ARHGAP12: variants seen among roughly 807,000 people sequenced by gnomAD.
The protein encoded by ARHGAP12 is rho GTPase-activating protein 12.
In ARHGAP12, 64 loss-of-function variants were observed where a neutral mutation model predicts 108.6. That is an observed-to-expected ratio of 0.59 (90% confidence interval 0.48 to 0.73). The LOEUF (loss-of-function observed/expected upper bound fraction) is 0.73. Among genes scored for constraint, ARHGAP12 ranks in the 30% least tolerant of loss-of-function variants. The pLI, the probability that ARHGAP12 is intolerant of heterozygous loss-of-function variation, is 0.00. For synonymous variants in ARHGAP12, 312 were observed against 337.2 expected, an observed-to-expected ratio of 0.93 and a Z score of 0.82; for missense variants, 940 against 1,005.9, an observed-to-expected ratio of 0.93 and a Z score of 0.89.
rs1188770736 is a variant in ARHGAP12, at chr10:31,866,690, AC to A, written c.685-5033del. 5.3e-5 allele frequency among the ~76,000 whole-genome samples: 8 copies of A among 152,196 alleles called. No homozygotes were observed. The East Asian group carries it at 1.4e-3, about 26-fold the overall frequency. Reference sequence around the variant, plus strand: ...GAGTGTAATGGCACAATCTCGGATCACCACAACCTCTGCCTCCCTGTTTCAA... The same window carrying A: ...GAGTGTAATGGCACAATCTCGGATCACACAACCTCTGCCTCCCTGTTTCAA... On this transcript the variant is annotated intron_variant, in intron 3 of 19. Transcript: ENST00000344936.
intron 12 of ARHGAP12, 44 bp from the exon 13 acceptor site, chr10:31,817,930 G>T: frequency 7.0e-7 from 1 of 1,434,834 alleles, no homozygotes; most frequent in Non-Finnish European, 9.8e-7. Flanking sequence ...GTCAGTTTGT[G>T]CTTTCAGCAA....
intron 10 of ARHGAP12, among the ~76,000 whole-genome samples, chr10:31,831,365 A>C (rs1006185347): frequency 1.4e-4 from 21 of 152,206 alleles, no homozygotes; most frequent in African/African-American, 5.1e-4. Context: ...ACTAGAATTC[A>C]GGAGACTTAA....
At chr10:31,829,499 T>C (rs144990835) in intron 10 of ARHGAP12, among the ~76,000 whole-genome samples, 55 of 152,236 alleles carry the variant, frequency 3.6e-4, no homozygotes, top group African/African-American at 1.1e-3. Context: ...ATAAAAAAAA[T>C]TGAAGCTTTC....
intron 3 of ARHGAP12, among the ~76,000 whole-genome samples, chr10:31,877,234 C>A (rs1249385111): frequency 6.6e-6 from 1 of 152,188 alleles, no homozygotes; most frequent in African/African-American, 2.4e-5. Flanking sequence ...TTTAACAGAA[C>A]AAAGTGCTAC....
intron 1 of ARHGAP12, among the ~76,000 whole-genome samples, chr10:31,920,332 C>T (rs1038941935): frequency 9.3e-5 from 14 of 150,550 alleles, no homozygotes; most frequent in African/African-American, 3.4e-4. Flanking sequence ...TGCCTGTAAT[C>T]CCAGCTACTA....
At chr10:31,831,419 T>C (rs1464355861) in intron 10 of ARHGAP12, among the ~76,000 whole-genome samples, 2 of 152,108 alleles carry the variant, frequency 1.3e-5, no homozygotes, top group Non-Finnish European at 2.9e-5. Flanking sequence ...GGCTGGGGGA[T>C]TGACTTTTCA....
intron 3 of ARHGAP12, among the ~76,000 whole-genome samples, chr10:31,880,125 A>G (rs1405649353): frequency 6.6e-6 from 1 of 152,224 alleles, no homozygotes; most frequent in Non-Finnish European, 1.5e-5. Context: ...TAAATATTAA[A>G]TGAGTACATG....
chr10:31,816,665 A>T (rs2132156954), intron 13 of ARHGAP12, among the ~76,000 whole-genome samples: 1 of 152,346 alleles, frequency 6.6e-6, no homozygotes, highest in East Asian at 1.9e-4. Context: ...AATCACAGCA[A>T]GTTTCTGAGC....
intron 1 of ARHGAP12, among the ~76,000 whole-genome samples, chr10:31,918,315 T>TCTCACA (rs972213539): frequency 2.1e-5 from 3 of 139,968 alleles, no homozygotes; most frequent in African/African-American, 8.0e-5. Flanking sequence ...ATTAGGGAAA[T>TCTCACA]CACACACACA....
At chr10:31,831,908 G>T in intron 9 of ARHGAP12, 108 bp from the exon 10 acceptor site, 1 of 546,128 alleles carries the variant, frequency 1.8e-6, no homozygotes, top group Non-Finnish European at 3.1e-6. Context: ...TAGCTTAAAA[G>T]AAAAGATTAG....
At chr10:31,908,088 C>T (rs1377505883) in intron 3 of ARHGAP12, 84 bp downstream of exon 3, 6 of 1,322,094 alleles carry the variant, frequency 4.5e-6, no homozygotes, top group Non-Finnish European at 5.1e-6. Context: ...CAAGTCTTAA[C>T]TCTTACAAAT....
chr10:31,913,414 A>C (rs1439570650), intron 1 of ARHGAP12: 1 of 169,114 alleles, frequency 5.9e-6, no homozygotes, highest in African/African-American at 2.4e-5. Context: ...GGATCCCAAT[A>C]CACCCAACGG....
intron 4 of ARHGAP12, among the ~76,000 whole-genome samples, chr10:31,856,114 A>C (rs911398842): frequency 6.6e-6 from 1 of 152,142 alleles, no homozygotes; most frequent in Non-Finnish European, 1.5e-5. Flanking sequence ...TTTATAGAAG[A>C]ATGGCAGGTA....
chr10:31,842,642 C>A (rs1176202383), intron 7 of ARHGAP12, among the ~76,000 whole-genome samples: 1 of 152,012 alleles, frequency 6.6e-6, no homozygotes, highest in African/African-American at 2.4e-5. Context: ...GAATTTAGGA[C>A]TGAAAGTATC....
At chr10:31,881,201 A>G (rs1837942509) in intron 3 of ARHGAP12, among the ~76,000 whole-genome samples, 1 of 152,142 alleles carries the variant, frequency 6.6e-6, no homozygotes, top group Non-Finnish European at 1.5e-5. Flanking sequence ...TTCCATCAGA[A>G]TATTAAAAGT....
intron 1 of ARHGAP12, among the ~76,000 whole-genome samples, chr10:31,919,063 C>T (rs111471970): frequency 0.014 from 2,084 of 152,300 alleles, 46 homozygotes; most frequent in African/African-American, 0.048. Flanking sequence ...GAAGGAAATT[C>T]TGACAGTACA....
chr10:31,830,880 A>G (rs541791391), intron 10 of ARHGAP12, among the ~76,000 whole-genome samples: 89 of 152,370 alleles, frequency 5.8e-4, no homozygotes, highest in Non-Finnish European at 5.6e-4. Flanking sequence ...GCAAAATCAA[A>G]GAATTTAACA....
intron 10 of ARHGAP12, among the ~76,000 whole-genome samples, chr10:31,827,673 C>T (rs1469532373): frequency 6.6e-6 from 1 of 152,018 alleles, no homozygotes; most frequent in African/African-American, 2.4e-5. Flanking sequence ...CACCTGCAGT[C>T]CCAGCTACTC....
rs181021562 is a variant in ARHGAP12 at position 31,887,597 on chromosome 10, G to C, written c.684+20575C>G. On this transcript the variant is annotated intron_variant, in intron 3 of 19. Transcript: ENST00000344936. ...CATTAAGGACTTTACAGTCTGGAGAGACAAAGACATGCACAAACTCTCATT... is the reference window on the plus strand; with the variant it reads ...CATTAAGGACTTTACAGTCTGGAGACACAAAGACATGCACAAACTCTCATT... 1.0e-3 allele frequency among the ~76,000 whole-genome samples: 158 copies of C among 151,760 alleles called. 2 individuals carry two copies. The Middle Eastern group carries it at 0.014, about 13-fold the overall frequency.
Sources: gnomAD v4.1 joint callset for allele counts (sites outside exome capture counted in the v4.1 genomes callset) on GRCh38, gnomAD v4.1.1 for gene constraint, MANE v1.5 for transcripts, NCBI Gene and HGNC (gene_info 2026-07-23, HGNC 2026-07-21) for gene names.